SAP130: variants seen among roughly 807,000 people sequenced by gnomAD.
SAP130 encodes Sin3A associated protein 130.
Under a neutral mutation model 103.2 loss-of-function variants are expected in SAP130, and 16 were observed. That is an observed-to-expected ratio of 0.16 (90% CI 0.10 to 0.24). The LOEUF is 0.24. Ranked by LOEUF, SAP130 falls within the 10% of genes least tolerant of loss-of-function variation. The pLI, the probability that SAP130 is intolerant of heterozygous loss-of-function variation, is 1.00. For missense variants in SAP130, 990 were observed against 1,359.7 expected, an observed-to-expected ratio of 0.73 and a Z score of 4.28; for synonymous variants, 477 against 497.0, an observed-to-expected ratio of 0.96 and a Z score of 0.53.
chr2:127,945,365 G>T, intron 19 of SAP130, 91 bp downstream of exon 19: 1 of 753,638 alleles, frequency 1.3e-6, no homozygotes, highest in South Asian at 1.5e-5. Context: ...GAATGCTTCA[G>T]AGTTACTTTT....
At chr2:128,007,593 T>C (rs1427373674) in intron 7 of SAP130, among the ~76,000 whole-genome samples, 1 of 152,228 alleles carries the variant, frequency 6.6e-6, no homozygotes, top group Non-Finnish European at 1.5e-5. Context: ...TCTTTGTACC[T>C]CAGGCAACAT....
intron 16 of SAP130, among the ~76,000 whole-genome samples, chr2:127,951,537 C>G (rs1261652580): frequency 6.6e-6 from 1 of 152,188 alleles, no homozygotes; most frequent in Non-Finnish European, 1.5e-5. Context: ...ACCTGTTCAT[C>G]CGACCATGTT....
In SAP130 at chr2:127,955,191, T is replaced by C. The variant is rs1679751126; in HGVS notation, c.2217A>G (p.Ala739=). 6.2e-7 allele frequency: 1 copy of C among 1,614,142 alleles called. No homozygotes were observed. Among genetic ancestry groups the C allele is most frequent in the Non-Finnish European group, 8.5e-7 (1 of 1,180,026 alleles). Residue 739 remains alanine, a synonymous_variant, in exon 16 of 21, where the codon GCA becomes GCG. Transcript: ENST00000643581. This position sits in a 1 kb window ranked among gnomAD's most constrained non-coding sequence, Gnocchi z 4.9. ...PPPTIPTMIA[A]ASPPSQPAVA... ...CGGCTGGTTGTGACGGGGGACTGGC[T>C]GCTGCAATCATAGTTGGAATGGTCG...
intron 16 of SAP130, among the ~76,000 whole-genome samples, chr2:127,951,543 A>C (rs1679494609): frequency 1.3e-5 from 2 of 152,110 alleles, no homozygotes; most frequent in African/African-American, 4.8e-5. Context: ...TCATCCGACC[A>C]TGTTCCTGCA....
intron 15 of SAP130, among the ~76,000 whole-genome samples, chr2:127,956,335 C>T (rs1019037327): frequency 2.0e-5 from 3 of 152,104 alleles, no homozygotes; most frequent in Non-Finnish European, 4.4e-5. Flanking sequence ...GGTTAGTGTA[C>T]GTAAAGTGTT....
chr2:128,004,842 C>T (rs1304106007), intron 7 of SAP130, among the ~76,000 whole-genome samples: 3 of 152,146 alleles, frequency 2.0e-5, no homozygotes, highest in Admixed American at 2.0e-4. Flanking sequence ...ACACAGGACA[C>T]TGAGTCATTT....
chr2:128,015,125 C>T (rs1336129494), intron 4 of SAP130, among the ~76,000 whole-genome samples: 1 of 152,114 alleles, frequency 6.6e-6, no homozygotes, highest in African/African-American at 2.4e-5. Context: ...ATGAGGACCC[C>T]ACAACTGCTG....
chr2:127,955,014 T>G lies in SAP130; in HGVS notation c.2394A>C (p.Glu798Asp). 6.2e-7 allele frequency: 1 copy of G among 1,613,086 alleles called. No individual in the cohort carries two copies. Among genetic ancestry groups the G allele is most frequent in the Non-Finnish European group, 8.5e-7 (1 of 1,179,362 alleles). The change falls in exon 16 of 21, where the codon GAA becomes GAC. Residue 798 changes from glutamate (E) to aspartate (D), a missense_variant. Glu to Asp is a conservative substitution (Grantham distance 45). Coordinates refer to ENST00000643581, the MANE Select transcript of SAP130 (RefSeq NM_001330301.2). This position sits in a 1 kb window ranked among gnomAD's most constrained non-coding sequence, Gnocchi z 4.9. ...VPEIKVKEEV[E>D]PMDIMRPVSA... ...AAACTGGCCTCATGATATCCATTGG[T>G]TCTACTTCTTCTTTCACTTTAATTT...
chr2:128,022,510 A>G (rs1369213846), intron 2 of SAP130, among the ~76,000 whole-genome samples: 1 of 152,214 alleles, frequency 6.6e-6, no homozygotes, highest in African/African-American at 2.4e-5. Context: ...TGGTAAGTGT[A>G]TATTTAATTT....
chr2:127,989,931 G>A lies in SAP130; in HGVS notation c.1478-65C>T. The A allele has an allele frequency of 6.9e-7, 1 of 1,451,732 alleles. No individual in the cohort carries two copies. The highest frequency in any genetic ancestry group is 9.4e-7 in the Non-Finnish European group (1 of 1,068,768). 89.9% of individuals were successfully genotyped at this position (1,451,732 alleles called of 1,614,324 possible). On this transcript the variant is annotated intron_variant, in intron 12 of 20. Transcript: ENST00000643581. This position sits in a 1 kb window ranked among gnomAD's most constrained non-coding sequence, Gnocchi z 4.6. The stretch of plus-strand genomic sequence containing the variant: ...TCATTTCACACAGTCCACATAAAGA[G>A]AGAAACACTAAAAACGGATTTCCTC...
chr2:127,967,389 G>A (rs1043057226), intron 15 of SAP130, among the ~76,000 whole-genome samples: 1 of 152,108 alleles, frequency 6.6e-6, no homozygotes, highest in African/African-American at 2.4e-5. Context: ...AGGATGACAA[G>A]AATAGCTGGA....
chr2:128,019,133 G>T (rs769956146), intron 2 of SAP130, among the ~76,000 whole-genome samples: 1 of 151,876 alleles, frequency 6.6e-6, no homozygotes, highest in African/African-American at 2.4e-5. Flanking sequence ...TTTTAAGTAC[G>T]GTTCCTAACT....
In SAP130 at chr2:127,953,766, C is replaced by T. The variant is rs1239079097; in HGVS notation, c.2422+1220G>A. On this transcript the variant is annotated intron_variant, in intron 16 of 20. Transcript: ENST00000643581. The surrounding 1 kb of genome is among the most constrained non-coding windows in gnomAD (Gnocchi z 4.0). ...AATGTCTCTACTCAATGGTCACTTC[C>T]TCAGTGAGGCTTTCTCCTAAAACTC... 1.3e-5 allele frequency among the ~76,000 whole-genome samples: 2 copies of T among 152,186 alleles called. No homozygotes were observed. The highest frequency in any genetic ancestry group is 2.9e-5 in the Non-Finnish European group (2 of 68,044).
intron 6 of SAP130, among the ~76,000 whole-genome samples, chr2:128,012,713 T>A (rs973189181): frequency 1.3e-5 from 2 of 151,706 alleles, no homozygotes; most frequent in African/African-American, 4.8e-5. Flanking sequence ...CCAATCCAAA[T>A]TAAAATCCCT....
In SAP130 at chr2:127,950,202, C is replaced by T. The variant is rs753361958; in HGVS notation, c.2629G>A (p.Val877Met). ...GGAGACTTGCGCTTCTCAGCCTTCA[C>T]CAGAAGACTCTTGGCAGTGGACTTC... ...DEKSTAKSLLVKAEKRKSPPK... is the reference protein window; with the variant it reads ...DEKSTAKSLLMKAEKRKSPPK... The change falls in exon 17 of 21, where the codon GTG becomes ATG. Residue 877 changes from valine to methionine, a missense_variant. By Grantham distance (21) the Val-to-Met change is conservative. Around this residue, in one of 6 missense-constraint regions of SAP130, gnomAD observed 61 missense variants for 73.8 expected, o/e 0.83. Coordinates refer to ENST00000643581, the MANE Select transcript of SAP130 (RefSeq NM_001330301.2). 1 of 1,614,064 alleles carries T rather than the reference C, an allele frequency of 6.2e-7. No individual in the cohort carries two copies. Among genetic ancestry groups the T allele is most frequent in the East Asian group, 2.2e-5 (1 of 44,902 alleles).
chr2:127,948,766 T>C (rs139489251), intron 18 of SAP130, among the ~76,000 whole-genome samples: 2 of 152,302 alleles, frequency 1.3e-5, no homozygotes, highest in Non-Finnish European at 2.9e-5. Context: ...TTAGTATGAA[T>C]ATATTGAAAC....
In SAP130 at chr2:128,024,133, G is replaced by A. The variant is rs549184993; in HGVS notation, c.112+2048C>T. Among the ~76,000 whole-genome samples, 11 of 152,240 alleles carry A rather than the reference G, an allele frequency of 7.2e-5. No individual in the cohort carries two copies. In the South Asian group the frequency reaches 2.1e-3, roughly 29 times the overall value. On this transcript the variant is annotated intron_variant, in intron 2 of 20. Transcript: ENST00000643581. ...AGATACCATCGAGCAGGAGTCATAA[G>A]TAGCTTAAAGTCACTTCAAGTCTAA...
In SAP130 at chr2:128,017,814, C is replaced by A; in HGVS notation, c.214G>T (p.Val72Leu). Residue 72 changes from valine to leucine, a missense_variant, in exon 3 of 21, where the codon GTA becomes TTA. By Grantham distance (32) the Val-to-Leu change is conservative. Coordinates refer to ENST00000643581, the MANE Select transcript of SAP130 (RefSeq NM_001330301.2). ...ATCTGCACCTGTGGATAGGGCCTTA[C>A]CACAACAGGCTCTTGCTTCTCCTCC... is the stretch of plus-strand genomic sequence containing the variant. ...SREEKQEPVV[V>L]RPYPQVQMLS... The A allele has an allele frequency of 6.2e-7, 1 of 1,614,222 alleles. No individual in the cohort carries two copies. The highest frequency in any genetic ancestry group is 1.7e-5 in the Admixed American group (1 of 60,030).
At chr2:128,003,671 A>G (rs560524661) in intron 7 of SAP130, among the ~76,000 whole-genome samples, 72 of 151,976 alleles carry the variant, frequency 4.7e-4, no homozygotes, top group Non-Finnish European at 9.1e-4. Context: ...CACACGTACC[A>G]AAAACAGTCA....
Sources: gnomAD v4.1 joint callset for allele counts (sites outside exome capture counted in the v4.1 genomes callset) on GRCh38, gnomAD v4.1.1 for gene constraint, gnomAD v4.1.1 regional missense constraint, Gnocchi (gnomAD v3.1) non-coding constraint, MANE v1.5 for transcripts, NCBI Gene and HGNC (gene_info 2026-07-23, HGNC 2026-07-21) for gene names.